The following FHIT variants were observed in gnomAD, a reference collection of about 807,000 sequenced individuals.
FHIT encodes fragile histidine triad diadenosine triphosphatase, also known as bis(5'-adenosyl)-triphosphatase.
In FHIT, 19 loss-of-function variants were observed where a neutral mutation model predicts 17.9. That is an observed-to-expected ratio of 1.06 (90% CI 0.74 to 1.56). FHIT has a LOEUF of 1.56. Ranked by LOEUF, FHIT falls within the 40% of genes most tolerant of loss-of-function variation. The pLI, the probability that FHIT is intolerant of heterozygous loss-of-function variation, is 0.00. For synonymous variants in FHIT, 81 were observed against 69.7 expected (o/e 1.16, Z -0.81); for missense variants, 248 against 189.2 (o/e 1.31, Z -1.82).
chr3:60,223,999 A>G (rs1458613877), intron 5 of FHIT, among the ~76,000 whole-genome samples: 1 of 152,164 alleles, frequency 6.6e-6, no homozygotes, highest in African/African-American at 2.4e-5. Flanking sequence ...TAGCTTTGAA[A>G]CAAACTTGTA....
chr3:60,936,443 T>A (rs1708193470), intron 3 of FHIT, among the ~76,000 whole-genome samples: 1 of 152,222 alleles, frequency 6.6e-6, no homozygotes, highest in South Asian at 2.1e-4. Flanking sequence ...TGCTATTCCT[T>A]CTGTGAAATG....
intron 5 of FHIT, among the ~76,000 whole-genome samples, chr3:60,192,925 G>C (rs948463478): frequency 6.6e-6 from 1 of 152,162 alleles, no homozygotes; most frequent in South Asian, 2.1e-4. Flanking sequence ...GAAGTGATTG[G>C]TCTGCCACTT....
intron 5 of FHIT, among the ~76,000 whole-genome samples, chr3:60,211,068 TAAAA>T (rs10663373): frequency 1.2e-5 from 1 of 84,464 alleles, no homozygotes; most frequent in Non-Finnish European, 2.4e-5. Flanking sequence ...TATAAAACCG[TAAAA>T]AAAAAAAAAA....
At chr3:60,445,070 A>C (rs2031226583) in intron 5 of FHIT, among the ~76,000 whole-genome samples, 1 of 152,108 alleles carries the variant, frequency 6.6e-6, no homozygotes, top group Non-Finnish European at 1.5e-5. Flanking sequence ...CCTGAGCCCT[A>C]CCTGGTAACT....
chr3:60,298,986 A>G (rs764728329), intron 5 of FHIT, among the ~76,000 whole-genome samples: 15 of 152,090 alleles, frequency 9.9e-5, no homozygotes, highest in Admixed American at 5.2e-4. Flanking sequence ...GAATGTAGCA[A>G]TCCATAACCA....
intron 7 of FHIT, among the ~76,000 whole-genome samples, chr3:59,959,159 T>C (rs747811870): frequency 2.0e-5 from 3 of 152,092 alleles, no homozygotes; most frequent in Admixed American, 1.3e-4. Context: ...ACAAAAATGG[T>C]CCCATGTCCT....
intron 4 of FHIT, among the ~76,000 whole-genome samples, chr3:60,559,603 T>C (rs910988278): frequency 5.3e-5 from 8 of 152,142 alleles, no homozygotes; most frequent in African/African-American, 1.7e-4. Context: ...GTTCTGATCC[T>C]CAAAAACTGC....
At chr3:60,253,056 T>C (rs1211185143) in intron 5 of FHIT, among the ~76,000 whole-genome samples, 1 of 152,038 alleles carries the variant, frequency 6.6e-6, no homozygotes, top group Non-Finnish European at 1.5e-5. Flanking sequence ...TAAAAAACAC[T>C]GTGGCCTCAT....
intron 8 of FHIT, among the ~76,000 whole-genome samples, chr3:59,809,720 G>T (rs1016312022): frequency 1.3e-5 from 2 of 152,138 alleles, no homozygotes; most frequent in African/African-American, 4.8e-5. Context: ...TTATTTGTTT[G>T]CTTGTTTCCA....
intron 2 of FHIT, among the ~76,000 whole-genome samples, chr3:61,149,000 T>C (rs913076475): frequency 2.0e-5 from 3 of 152,210 alleles, no homozygotes; most frequent in African/African-American, 7.2e-5. Context: ...AAGTTTTCCA[T>C]AGAAACACTC....
intron 4 of FHIT, among the ~76,000 whole-genome samples, chr3:60,562,855 T>A (rs1310855972): frequency 1.3e-5 from 2 of 152,170 alleles, no homozygotes; most frequent in Non-Finnish European, 2.9e-5. Flanking sequence ...TGGAATTCAT[T>A]TGAGAAATTT....
chr3:60,221,409 A>T (rs933965294), intron 5 of FHIT, among the ~76,000 whole-genome samples: 3 of 152,150 alleles, frequency 2.0e-5, no homozygotes, highest in African/African-American at 7.2e-5. Context: ...GGTTCCCTTA[A>T]CAGAGATGCC....
At chr3:60,921,447 G>C (rs142301732) in intron 3 of FHIT, among the ~76,000 whole-genome samples, 1 of 152,222 alleles carries the variant, frequency 6.6e-6, no homozygotes, top group East Asian at 1.9e-4. Flanking sequence ...AGGAGGGTTC[G>C]AATGGCAATA....
At chr3:61,199,451 T>C (rs573334137) in intron 2 of FHIT, among the ~76,000 whole-genome samples, 3 of 152,352 alleles carry the variant, frequency 2.0e-5, no homozygotes, top group African/African-American at 7.2e-5. Flanking sequence ...ATTTCTTCAC[T>C]GATGTTCAAC....
At chr3:60,473,510 G>C (rs746509577) in intron 5 of FHIT, among the ~76,000 whole-genome samples, 3 of 152,106 alleles carry the variant, frequency 2.0e-5, no homozygotes, top group Non-Finnish European at 1.5e-5. Context: ...ATATTGCCAG[G>C]CTTAAAATAC....
chr3:60,599,560 C>A lies in FHIT; in HGVS notation c.-17-62581G>T, dbSNP rs531474013. Among the ~76,000 whole-genome samples, 25 of 151,946 alleles carry A rather than the reference C, an allele frequency of 1.6e-4. No homozygotes were observed. In the East Asian group the frequency reaches 4.5e-3, roughly 27 times the overall value. ...ACATCATCACAGTTATAAACTTAAC[C>A]ATTGTGGGGAAGATTAACATGGCTT... On this transcript the variant is annotated intron_variant, in intron 4 of 9. Transcript: ENST00000492590.
intron 5 of FHIT, among the ~76,000 whole-genome samples, chr3:60,194,895 G>A (rs1702554429): frequency 6.6e-6 from 1 of 152,112 alleles, no homozygotes; most frequent in South Asian, 2.1e-4. Context: ...GCTGGGTGCG[G>A]TGGCTCACAC....
At chr3:60,652,646 G>A (rs368120508) in intron 4 of FHIT, among the ~76,000 whole-genome samples, 58 of 150,258 alleles carry the variant, frequency 3.9e-4, no homozygotes, top group African/African-American at 1.3e-3. Flanking sequence ...GGAGAATGGC[G>A]TGAACCCGGG....
intron 3 of FHIT, among the ~76,000 whole-genome samples, chr3:61,002,395 T>C (rs1448287272): frequency 2.6e-5 from 4 of 152,178 alleles, no homozygotes; most frequent in Admixed American, 2.0e-4. Flanking sequence ...CCCGAGTAGC[T>C]GGGACTACAC....
Sources: allele counts gnomAD v4.1 joint callset (sites outside exome capture counted in the v4.1 genomes callset), GRCh38; gene constraint gnomAD v4.1.1; transcripts MANE v1.5; gene names NCBI Gene and HGNC (gene_info 2026-07-23, HGNC 2026-07-21).